The following MRPL13 variants were observed in gnomAD, a reference collection of about 807,000 sequenced individuals.
MRPL13 encodes the protein mitochondrial ribosomal protein L13.
Under a neutral mutation model 29.0 loss-of-function variants are expected in MRPL13, and 33 were observed. That is an observed-to-expected ratio of 1.14 (90% confidence interval 0.86 to 1.52). MRPL13 has a LOEUF of 1.52. MRPL13 is among the 40% of genes most tolerant of loss of function. The pLI is 0.00. For synonymous variants in MRPL13, 77 were observed against 68.4 expected (o/e 1.13, Z -0.62); for missense variants, 227 against 216.7 (o/e 1.05, Z -0.30).
At chr8:120,411,660 A>C (rs994904802) in intron 6 of MRPL13, among the ~76,000 whole-genome samples, 1 of 152,192 alleles carries the variant, frequency 6.6e-6, no homozygotes. Context: ...GCGTGTGACT[A>C]TTTATGAGGA....
At chr8:120,421,433 T>C (rs1812873346) in intron 4 of MRPL13, among the ~76,000 whole-genome samples, 1 of 151,868 alleles carries the variant, frequency 6.6e-6, no homozygotes, top group Non-Finnish European at 1.5e-5. Flanking sequence ...ATTCCAATAC[T>C]GTACTAATAA....
intron 6 of MRPL13, among the ~76,000 whole-genome samples, chr8:120,409,640 C>T (rs941758857): frequency 2.0e-5 from 3 of 152,074 alleles, no homozygotes; most frequent in Non-Finnish European, 4.4e-5. Flanking sequence ...CTGCTTTGTA[C>T]AGTCAAGAAA....
intron 4 of MRPL13, among the ~76,000 whole-genome samples, chr8:120,422,187 A>G (rs1051120871): frequency 3.3e-5 from 5 of 151,830 alleles, no homozygotes; most frequent in African/African-American, 1.2e-4. Flanking sequence ...TTTAGGCAGT[A>G]TTATACCAAA....
At chr8:120,411,784 T>C (rs952312368) in intron 6 of MRPL13, among the ~76,000 whole-genome samples, 34 of 152,130 alleles carry the variant, frequency 2.2e-4, no homozygotes, top group Admixed American at 2.2e-3. Flanking sequence ...CCCAGAGTAG[T>C]AACTAAAAAA....
At chr8:120,435,646 T>A (rs758836970) in intron 2 of MRPL13, among the ~76,000 whole-genome samples, 1 of 152,120 alleles carries the variant, frequency 6.6e-6, no homozygotes, top group Non-Finnish European at 1.5e-5. Flanking sequence ...TTTGCTATTA[T>A]GAACAGTGCT....
At chr8:120,425,437 T>A (rs1812922029) in intron 3 of MRPL13, 71 bp from the exon 4 acceptor site, 1 of 1,027,320 alleles carries the variant, frequency 9.7e-7, no homozygotes, top group East Asian at 2.5e-5. Flanking sequence ...ATCATTCTTT[T>A]ATAAGAAAAC....
chr8:120,429,794 T>C (rs937688989), intron 3 of MRPL13, among the ~76,000 whole-genome samples: 1 of 152,182 alleles, frequency 6.6e-6, no homozygotes, highest in Non-Finnish European at 1.5e-5. Flanking sequence ...TAAAATGGCA[T>C]AGTAATTGCA....
chr8:120,399,759 A>G (rs373793332), intron 6 of MRPL13, among the ~76,000 whole-genome samples: 6 of 152,172 alleles, frequency 3.9e-5, no homozygotes, highest in African/African-American at 1.4e-4. Flanking sequence ...TCTCATGAAC[A>G]AAGACACACA....
chr8:120,445,119 G>C lies in MRPL13; in HGVS notation c.-25C>G, dbSNP rs549572070. 19 of 1,613,754 alleles carry C rather than the reference G, an allele frequency of 1.2e-5. No individual in the cohort carries two copies. The highest frequency in any genetic ancestry group is 1.4e-5 in the Non-Finnish European group (17 of 1,179,932). On this transcript the variant is annotated 5_prime_UTR_variant, in exon 1 of 7. Coordinates refer to ENST00000306185, the MANE Select transcript of MRPL13 (RefSeq NM_014078.6). Reference sequence around the variant, plus strand: ...TATTCCTCTACTAGCAGGACCGTACGTCCTTCTCCTAGTAGCCACGCCGGG... The same window carrying C: ...TATTCCTCTACTAGCAGGACCGTACCTCCTTCTCCTAGTAGCCACGCCGGG...
chr8:120,428,879 TTGG>T (rs147341230), intron 3 of MRPL13, among the ~76,000 whole-genome samples: 8,274 of 152,144 alleles, frequency 0.054, 427 homozygotes, highest in African/African-American at 0.14. Context: ...TTTTACACTG[TTGG>T]TGGGAATTTT....
rs536954318 is a variant in MRPL13, at chr8:120,440,193, A to G, written c.151+2992T>C. The stretch of plus-strand genomic sequence containing the variant: ...TAAAGGTATATAGAGTGAAAGGGTG[A>G]GCAGAGGAATCAGGCGAGGCCTCTC... On this transcript the variant is annotated intron_variant, in intron 2 of 6. Coordinates refer to ENST00000306185, the MANE Select transcript of MRPL13 (RefSeq NM_014078.6). 3.9e-5 allele frequency among the ~76,000 whole-genome samples: 6 copies of G among 152,364 alleles called. No individual in the cohort carries two copies. The South Asian group carries it at 1.2e-3, about 32-fold the overall frequency.
At chr8:120,405,278 C>A (rs898125319) in intron 6 of MRPL13, among the ~76,000 whole-genome samples, 8 of 152,206 alleles carry the variant, frequency 5.3e-5, no homozygotes, top group African/African-American at 1.9e-4. Flanking sequence ...AGCATACACA[C>A]AACTTTTCTG....
intron 2 of MRPL13, among the ~76,000 whole-genome samples, chr8:120,439,689 A>G (rs1194691234): frequency 6.6e-6 from 1 of 152,216 alleles, no homozygotes; most frequent in Non-Finnish European, 1.5e-5. Context: ...CTTGAAAAAC[A>G]AAGATTAAAA....
intron 2 of MRPL13, among the ~76,000 whole-genome samples, chr8:120,438,515 T>C (rs926359745): frequency 2.6e-5 from 4 of 152,220 alleles, no homozygotes; most frequent in Admixed American, 2.0e-4. Flanking sequence ...AGCAGAACTT[T>C]GAGTGGACAG....
At chr8:120,416,060 T>TA (rs1356415304) in intron 5 of MRPL13, 2 of 152,202 alleles carry the variant, frequency 1.3e-5, no homozygotes, top group African/African-American at 4.8e-5. Flanking sequence ...GCTGAATGGT[T>TA]AAAATCAATG....
intron 4 of MRPL13, 130 bp from the exon 5 acceptor site, chr8:120,420,068 A>G: frequency 2.1e-6 from 1 of 476,908 alleles, no homozygotes. Context: ...AATAGACCTA[A>G]GTGGATATGT....
intron 6 of MRPL13, among the ~76,000 whole-genome samples, chr8:120,409,699 A>T (rs1053598173): frequency 1.3e-5 from 2 of 152,206 alleles, no homozygotes; most frequent in Non-Finnish European, 2.9e-5. Flanking sequence ...TGTATCCATG[A>T]TTTATGTAAA....
intron 6 of MRPL13, 84 bp downstream of exon 6, chr8:120,413,907 C>T: frequency 7.3e-7 from 1 of 1,375,240 alleles, no homozygotes; most frequent in Non-Finnish European, 9.5e-7. Context: ...ACTCTTCCCG[C>T]CCTCAAGGAT....
At chr8:120,400,055 T>C (rs1265147166) in intron 6 of MRPL13, among the ~76,000 whole-genome samples, 1 of 152,132 alleles carries the variant, frequency 6.6e-6, no homozygotes, top group East Asian at 1.9e-4. Context: ...AATGCCCCAC[T>C]GACAATATTT....
Sources: allele counts gnomAD v4.1 joint callset (sites outside exome capture counted in the v4.1 genomes callset), GRCh38; gene constraint gnomAD v4.1.1; transcripts MANE v1.5; gene names NCBI Gene and HGNC (gene_info 2026-07-23, HGNC 2026-07-21).